The following TAS2R1 variants were observed in gnomAD, a reference collection of about 807,000 sequenced individuals.
TAS2R1 encodes the protein taste receptor type 2 member 1.
For missense variants in TAS2R1, 370 were observed against 353.4 expected (o/e 1.05, Z -0.38); for synonymous variants, 141 against 134.2 (o/e 1.05, Z -0.35).
the TAS2R1 span, among the ~76,000 whole-genome samples, chr5:9,848,452 C>T: frequency 3.3e-5 from 5 of 152,034 alleles, no homozygotes; most frequent in African/African-American, 1.2e-4. Flanking sequence ...TACATTATGC[C>T]GATTTTACTC....
chr5:9,758,514 A>G, the TAS2R1 span, among the ~76,000 whole-genome samples: 39 of 152,316 alleles, frequency 2.6e-4, no homozygotes, highest in East Asian at 5.2e-3. Flanking sequence ...AAAGAACCCA[A>G]CAAAGAACTG....
the TAS2R1 span, among the ~76,000 whole-genome samples, chr5:9,847,705 G>A: frequency 1.3e-5 from 2 of 152,190 alleles, no homozygotes; most frequent in Non-Finnish European, 2.9e-5. Context: ...AGCCTTTGAC[G>A]GTCGGTATGC....
intron 1 of TAS2R1, among the ~76,000 whole-genome samples, chr5:9,708,020 A>G (rs1741653476): frequency 6.6e-6 from 1 of 152,190 alleles, no homozygotes; most frequent in Non-Finnish European, 1.5e-5. Context: ...GAAAGTGAGG[A>G]GACAGAAAGG....
At chr5:9,683,559 T>C (rs926871184) in intron 1 of TAS2R1, among the ~76,000 whole-genome samples, 1 of 152,194 alleles carries the variant, frequency 6.6e-6, no homozygotes, top group Non-Finnish European at 1.5e-5. Context: ...AAAAGATCTA[T>C]GTTAGCAACA....
At chr5:9,899,358 C>T in the TAS2R1 span, among the ~76,000 whole-genome samples, 2 of 152,174 alleles carry the variant, frequency 1.3e-5, no homozygotes, top group South Asian at 2.1e-4. Flanking sequence ...TAAAGGTGGC[C>T]GAGTGTGGTA....
chr5:9,690,386 T>C (rs1259616856), intron 1 of TAS2R1, among the ~76,000 whole-genome samples: 2 of 152,170 alleles, frequency 1.3e-5, no homozygotes, highest in African/African-American at 4.8e-5. Flanking sequence ...CTGTAAAGCT[T>C]CTACTTAAGG....
chr5:9,877,702 C>T, the TAS2R1 span, among the ~76,000 whole-genome samples: 1 of 152,346 alleles, frequency 6.6e-6, no homozygotes, highest in Middle Eastern at 3.4e-3. Flanking sequence ...GCTCTCATCT[C>T]AACAGAGCCG....
At chr5:9,813,883 A>T in the TAS2R1 span, among the ~76,000 whole-genome samples, 2 of 152,002 alleles carry the variant, frequency 1.3e-5, no homozygotes, top group African/African-American at 2.4e-5. Context: ...TTCATTATTG[A>T]CTTCATCTCT....
At chr5:9,895,120 T>C in the TAS2R1 span, among the ~76,000 whole-genome samples, 1 of 152,164 alleles carries the variant, frequency 6.6e-6, no homozygotes, top group East Asian at 1.9e-4. Context: ...GGCCTCGGCT[T>C]TCTCATGCCT....
the TAS2R1 span, among the ~76,000 whole-genome samples, chr5:9,731,457 C>T: frequency 6.6e-6 from 1 of 152,272 alleles, no homozygotes; most frequent in East Asian, 1.9e-4. Context: ...GGAGTCTGCC[C>T]CCACCCAGCG....
the TAS2R1 span, chr5:9,760,985 T>G: frequency 6.6e-6 from 1 of 152,140 alleles, no homozygotes; most frequent in Non-Finnish European, 1.5e-5. Context: ...GGTTAGTACT[T>G]GGATGGGAGA....
intron 1 of TAS2R1, among the ~76,000 whole-genome samples, chr5:9,695,065 C>T (rs16883378): frequency 0.046 from 7,001 of 152,172 alleles, 186 homozygotes; most frequent in Middle Eastern, 0.082. Flanking sequence ...AGGGCGGTTA[C>T]GCACCAGTAC....
At chr5:9,643,118 G>A (rs1374831838) in intron 2 of TAS2R1, among the ~76,000 whole-genome samples, 1 of 151,870 alleles carries the variant, frequency 6.6e-6, no homozygotes, top group African/African-American at 2.4e-5. Flanking sequence ...ACTGTTCTAA[G>A]CACACAGCAT....
At chr5:9,726,361 A>C in the TAS2R1 span, among the ~76,000 whole-genome samples, 1 of 152,206 alleles carries the variant, frequency 6.6e-6, no homozygotes, top group Non-Finnish European at 1.5e-5. Context: ...GTCAAAACAG[A>C]CCACTGGGCT....
chr5:9,893,590 T>C, the TAS2R1 span, among the ~76,000 whole-genome samples: 1 of 151,336 alleles, frequency 6.6e-6, no homozygotes, highest in Non-Finnish European at 1.5e-5. Context: ...GAAAAAGTAA[T>C]ACATACTTGT....
chr5:9,895,708 C>A, the TAS2R1 span, among the ~76,000 whole-genome samples: 4 of 152,242 alleles, frequency 2.6e-5, no homozygotes, highest in Non-Finnish European at 5.9e-5. Context: ...CCCCAGCCCA[C>A]CAATCTTAAA....
rs1739810379 is a variant in TAS2R1, at chr5:9,628,875, A to G, written c.*258T>C. 3.0e-6 allele frequency: 1 copy of G among 333,960 alleles called. No individual in the cohort carries two copies. 20.7% of individuals were successfully genotyped at this position (333,960 alleles called of 1,614,324 possible). On this transcript the variant is annotated 3_prime_UTR_variant, in exon 1 of 1. Transcript: ENST00000382492. ...TTACTCAGTTTTCCCAATGGTAACA[A>G]CTTGCACGATGATAGTACAATATCA...
At chr5:9,891,800 G>T in the TAS2R1 span, among the ~76,000 whole-genome samples, 1 of 152,122 alleles carries the variant, frequency 6.6e-6, no homozygotes, top group African/African-American at 2.4e-5. Context: ...GAATATTAAA[G>T]AACTTCTGTA....
the TAS2R1 span, among the ~76,000 whole-genome samples, chr5:9,805,119 T>C: frequency 6.6e-6 from 1 of 151,960 alleles, no homozygotes; most frequent in Non-Finnish European, 1.5e-5. Context: ...TGAACAACTA[T>C]ATGCACATAA....
Sources: gnomAD v4.1 joint callset for allele counts (sites outside exome capture counted in the v4.1 genomes callset) on GRCh38, gnomAD v4.1.1 for gene constraint, MANE v1.5 for transcripts, NCBI Gene and HGNC (gene_info 2026-07-23, HGNC 2026-07-21) for gene names.